Variants in SDK1 observed in about 807,000 individuals in gnomAD.
SDK1 encodes protein sidekick-1.
Under a neutral mutation model 245.5 loss-of-function variants are expected in SDK1, and 157 were observed. The observed-to-expected ratio is 0.64, with a 90% confidence interval of 0.56 to 0.73. The LOEUF (loss-of-function observed/expected upper bound fraction) is 0.73, where lower values mean the gene tolerates loss of function less well. SDK1 is among the 30% of genes least tolerant of loss of function. The pLI, the probability that SDK1 is intolerant of heterozygous loss-of-function variation, is 0.00. For synonymous variants in SDK1, 1,647 were observed against 1,278.5 expected (o/e 1.29, Z -6.15); for missense variants, 3,583 against 3,002.3 (o/e 1.19, Z -4.52).
rs976670198 is a variant in SDK1, at chr7:3,504,236, A to G, written c.299-114844A>G. Reference sequence around the variant, plus strand: ...TGTAGATAAAACACAATTCATATCAAAATCCCAGCTGGATGCTGCTGTTGT... The same window carrying G: ...TGTAGATAAAACACAATTCATATCAGAATCCCAGCTGGATGCTGCTGTTGT... On this transcript the variant is annotated intron_variant, in intron 1 of 44. Coordinates refer to ENST00000404826, the MANE Select transcript of SDK1 (RefSeq NM_152744.4). 6.2e-5 allele frequency among the ~76,000 whole-genome samples: 9 copies of G among 146,214 alleles called. No individual in the cohort carries two copies. The South Asian group carries it at 1.8e-3, about 29-fold the overall frequency.
chr7:4,091,334 C>CTTTTCTTTTTTTTTTTTTTTT (rs1259034611), intron 22 of SDK1, among the ~76,000 whole-genome samples: 6 of 108,258 alleles, frequency 5.5e-5, no homozygotes, highest in African/African-American at 2.1e-4. Flanking sequence ...CTTTTCTTTT[C>CTTTTCTTTTTTTTTTTTTTTT]TTTTTTTTTT....
chr7:3,680,117 T>A (rs1011398667), intron 4 of SDK1, among the ~76,000 whole-genome samples: 5 of 152,180 alleles, frequency 3.3e-5, no homozygotes, highest in African/African-American at 1.2e-4. Context: ...AAGGAATGAA[T>A]GAATGAATGA....
chr7:4,217,156 C>G (rs1476309383), intron 38 of SDK1, among the ~76,000 whole-genome samples: 1 of 110,084 alleles, frequency 9.1e-6, no homozygotes. Context: ...CGGAGCACCA[C>G]ACCACCCGGA....
At chr7:3,626,822 C>A (rs1782137590) in intron 2 of SDK1, among the ~76,000 whole-genome samples, 1 of 152,114 alleles carries the variant, frequency 6.6e-6, no homozygotes, top group Non-Finnish European at 1.5e-5. Flanking sequence ...GGAAATCTCC[C>A]CCACTGAGAA....
intron 13 of SDK1, among the ~76,000 whole-genome samples, chr7:3,977,595 C>A (rs1039546343): frequency 6.6e-6 from 1 of 152,234 alleles, no homozygotes; most frequent in African/African-American, 2.4e-5. Flanking sequence ...CCGGAGGTCT[C>A]CTGATCATGC....
At chr7:3,595,599 G>A (rs574971053) in intron 1 of SDK1, among the ~76,000 whole-genome samples, 1 of 151,666 alleles carries the variant, frequency 6.6e-6, no homozygotes, top group South Asian at 2.1e-4. Flanking sequence ...AATCTTAGGG[G>A]CAGTGAGGCA....
At chr7:3,938,645 CAAAA>C (rs559065786) in intron 5 of SDK1, among the ~76,000 whole-genome samples, 3 of 90,580 alleles carry the variant, frequency 3.3e-5, no homozygotes, top group Admixed American at 1.1e-4. Context: ...GACTCCGTCT[CAAAA>C]AAAAAAAAAA....
rs570626354 is a variant in SDK1 at position 4,238,372 on chromosome 7, G to C, written c.6130+588G>C. Among the ~76,000 whole-genome samples the C allele has an allele frequency of 1.1e-4, 16 of 152,078 alleles. No homozygotes were observed. The South Asian group carries it at 3.3e-3, about 32-fold the overall frequency. ...TGGGATTACAGACGTGAGCCACGGT[G>C]CCCAACCTAATCACATTTTTTAATA... is the stretch of plus-strand genomic sequence containing the variant. On this transcript the variant is annotated intron_variant, in intron 42 of 44. Coordinates refer to ENST00000404826, the MANE Select transcript of SDK1 (RefSeq NM_152744.4).
chr7:3,634,283 C>T (rs1782389875), intron 2 of SDK1, among the ~76,000 whole-genome samples: 1 of 152,142 alleles, frequency 6.6e-6, no homozygotes, highest in African/African-American at 2.4e-5. Flanking sequence ...GCAGTTGTTC[C>T]TGGGCTGAGA....
intron 17 of SDK1, among the ~76,000 whole-genome samples, chr7:4,039,555 A>C (rs1788462851): frequency 1.3e-5 from 2 of 152,220 alleles, no homozygotes; most frequent in South Asian, 4.1e-4. Flanking sequence ...AACCAAAATG[A>C]GCAATATTGA....
chr7:4,262,018 CTTTTTTTTTTT>C (rs34610558), intron 44 of SDK1, among the ~76,000 whole-genome samples: 17 of 59,254 alleles, frequency 2.9e-4, no homozygotes, highest in East Asian at 7.9e-4. Flanking sequence ...CTGCTTTCTC[CTTTTTTTTTTT>C]TTTTTTTTTT....
intron 21 of SDK1, among the ~76,000 whole-genome samples, chr7:4,078,190 C>T (rs1027110557): frequency 3.9e-5 from 6 of 152,100 alleles, no homozygotes; most frequent in African/African-American, 1.4e-4. Context: ...TCCGTCATTG[C>T]CAAGGCTGAA....
chr7:3,774,415 A>C (rs912323888), intron 4 of SDK1, among the ~76,000 whole-genome samples: 1 of 152,080 alleles, frequency 6.6e-6, no homozygotes, highest in East Asian at 1.9e-4. Flanking sequence ...CTTTTTGCCT[A>C]CCAAGGCTCC....
In SDK1 at chr7:4,051,731, C is replaced by G; in HGVS notation, c.2812C>G (p.Leu938Val). The G allele has an allele frequency of 6.2e-7, 1 of 1,613,966 alleles. No individual in the cohort carries two copies. Residue 938 changes from leucine to valine, a missense_variant, in exon 19 of 45, where the codon CTG becomes GTG. By Grantham distance (32) the Leu-to-Val change is conservative. Coordinates refer to ENST00000404826, the MANE Select transcript of SDK1 (RefSeq NM_152744.4). ...HGVHHGHITN[L>V]KKFTAYFTSV... ...AGTCCACCATGGACACATAACGAAC[C>G]TGAAGAAGTTTACCGCCTACTTCAC...
chr7:3,673,319 C>A (rs1169582879), intron 4 of SDK1, among the ~76,000 whole-genome samples: 1 of 152,228 alleles, frequency 6.6e-6, no homozygotes, highest in East Asian at 1.9e-4. Flanking sequence ...ACGGAAAGAT[C>A]GGAGAGCTAG....
At position 3,431,057 on chromosome 7, in the gene SDK1, C is replaced by T. The variant is rs186454165; in HGVS notation, c.298+129173C>T. 1.4e-3 allele frequency among the ~76,000 whole-genome samples: 208 copies of T among 152,214 alleles called. 4 individuals are homozygous for T. The highest frequency in any genetic ancestry group is 4.5e-3 in the African/African-American group (188 of 41,556). On this transcript the variant is annotated intron_variant, in intron 1 of 44. Transcript: ENST00000404826. Reference sequence around the variant, plus strand: ...CTGAGACTACAGGCACATGCTGCCACGCCTGGCTAATTTTTTTATTTTTCA... The same window carrying T: ...CTGAGACTACAGGCACATGCTGCCATGCCTGGCTAATTTTTTTATTTTTCA...
At chr7:3,332,707 G>C (rs2128551433) in intron 1 of SDK1, among the ~76,000 whole-genome samples, 1 of 152,222 alleles carries the variant, frequency 6.6e-6, no homozygotes, top group Non-Finnish European at 1.5e-5. Flanking sequence ...TGTGCTGTAG[G>C]GGACAGTGAT....
intron 14 of SDK1, among the ~76,000 whole-genome samples, chr7:4,005,053 T>TTTTTC (rs1437381030): frequency 7.0e-6 from 1 of 143,076 alleles, no homozygotes; most frequent in African/African-American, 2.7e-5. Flanking sequence ...TTTTTTTTTT[T>TTTTTC]TTTTTTTTTT....
At position 4,051,778 on chromosome 7, in the gene SDK1, C is replaced by T. The variant is rs746422499; in HGVS notation, c.2859C>T (p.Thr953=). 2.1e-5 allele frequency: 34 copies of T among 1,613,850 alleles called. No individual in the cohort carries two copies. The highest frequency in any genetic ancestry group is 2.9e-5 in the Non-Finnish European group (34 of 1,179,882). The change falls in exon 19 of 45, where the codon ACC becomes ACT. Residue 953 remains threonine, a synonymous_variant. Coordinates refer to ENST00000404826, the MANE Select transcript of SDK1 (RefSeq NM_152744.4). Reference sequence around the variant, plus strand: ...TCACTTCCGTTCTGTGCTTCACCACCCCTGGGGACGGGCCTCCCAGCACAC... The same window carrying T: ...TCACTTCCGTTCTGTGCTTCACCACTCCTGGGGACGGGCCTCCCAGCACAC... The part of the protein sequence containing the change: ...AYFTSVLCFT[T]PGDGPPSTPQ...
Sources: gnomAD v4.1 joint callset for allele counts (sites outside exome capture counted in the v4.1 genomes callset) on GRCh38, gnomAD v4.1.1 for gene constraint, MANE v1.5 for transcripts, NCBI Gene and HGNC (gene_info 2026-07-23, HGNC 2026-07-21) for gene names.